Variants in INTS10 observed in about 807,000 individuals in gnomAD.
INTS10 encodes integrator complex subunit 10, also known as chromosome 8 open reading frame 35.
INTS10 carries 44 observed loss-of-function variants against 94.4 expected under a neutral mutation model. That is an observed-to-expected ratio of 0.47 (90% confidence interval 0.37 to 0.60). The LOEUF (loss-of-function observed/expected upper bound fraction) is 0.60. Ranked by LOEUF, INTS10 falls within the 20% of genes least tolerant of loss-of-function variation. INTS10 has a pLI of 0.00. For synonymous variants in INTS10, 341 were observed against 320.7 expected (o/e 1.06, Z -0.68); for missense variants, 797 against 868.7 (o/e 0.92, Z 1.04).
chr8:19,823,821 T>C, intron 6 of INTS10, 52 bp from the exon 7 acceptor site: 1 of 1,428,858 alleles, frequency 7.0e-7, no homozygotes, highest in Non-Finnish European at 9.5e-7. Flanking sequence ...AGGTACCATG[T>C]CAACAGTAAG....
At chr8:19,847,369 A>T (rs2068665337) in intron 16 of INTS10, among the ~76,000 whole-genome samples, 1 of 152,316 alleles carries the variant, frequency 6.6e-6, no homozygotes, top group East Asian at 1.9e-4. Context: ...AAGAATAACT[A>T]TGTTGTTCAA....
chr8:19,833,315 G>A lies in INTS10; in HGVS notation c.1524G>A (p.Glu508=). 1.9e-6 allele frequency: 3 copies of A among 1,607,442 alleles called. No homozygotes were observed. The highest frequency in any genetic ancestry group is 2.5e-6 in the Non-Finnish European group (3 of 1,176,954). ...CGACGTGCCACTTTGCGCTAGGGGAGTACAGAGTGAGTACTGCACACATAC... is the reference window on the plus strand; with the variant it reads ...CGACGTGCCACTTTGCGCTAGGGGAATACAGAGTGAGTACTGCACACATAC... The part of the protein sequence containing the change: ...QLATCHFALG[E]YRMTCEKVLD... Residue 508 remains glutamate, a synonymous_variant, in exon 12 of 17, where the codon GAG becomes GAA. Coordinates refer to ENST00000397977, the MANE Select transcript of INTS10 (RefSeq NM_018142.4).
At position 19,843,974 on chromosome 8, in the gene INTS10, A is replaced by G; in HGVS notation, c.1720-102A>G. The G allele has an allele frequency of 1.2e-6, 1 of 851,522 alleles. No homozygotes were observed. Among genetic ancestry groups the G allele is most frequent in the South Asian group, 2.0e-5 (1 of 51,030 alleles). 52.7% of individuals were successfully genotyped at this position (851,522 alleles called of 1,614,324 possible). A position where few individuals can be genotyped will look rare whatever the true frequency, so the allele number is the denominator to read the frequency against. The stretch of plus-strand genomic sequence containing the variant: ...CTTACTCTAATGACGTTTATCACAC[A>G]TTTGCATATACAGCATATTTTTGGA... On this transcript the variant is annotated intron_variant, in intron 14 of 16. Transcript: ENST00000397977. The surrounding 1 kb of genome is among the most constrained non-coding windows in gnomAD (Gnocchi z 4.7).
intron 12 of INTS10, 128 bp from the exon 13 acceptor site, chr8:19,836,924 T>C (rs2067709600): frequency 3.1e-6 from 2 of 650,580 alleles, no homozygotes; most frequent in East Asian, 2.6e-5. Context: ...AATGATCACA[T>C]AGAGAGGTAG....
chr8:19,851,201 A>T lies in INTS10; in HGVS notation c.1977-448A>T, dbSNP rs1365451764. Among the ~76,000 whole-genome samples the T allele has an allele frequency of 1.3e-5, 2 of 152,124 alleles. No individual in the cohort carries two copies. The highest frequency in any genetic ancestry group is 2.4e-5 in the African/African-American group (1 of 41,420). ...GCTGCGGGGGCCATGGTGGGAGCTC[A>T]CTTGGGTGATTGGCTCATTCAGGTC... On this transcript the variant is annotated intron_variant, in intron 16 of 16. Transcript: ENST00000397977. This position sits in a 1 kb window ranked among gnomAD's most constrained non-coding sequence, Gnocchi z 5.0.
At chr8:19,847,548 T>C (rs1010436588) in intron 16 of INTS10, among the ~76,000 whole-genome samples, 2 of 152,178 alleles carry the variant, frequency 1.3e-5, no homozygotes, top group African/African-American at 2.4e-5. Context: ...CGAGTTAATA[T>C]AGAGACAGCC....
chr8:19,819,591 C>G lies in INTS10; in HGVS notation c.216C>G (p.Asp72Glu), dbSNP rs1033480634. The change falls in exon 3 of 17, where the codon GAC becomes GAG. Residue 72 changes from aspartate (D) to glutamate (E), a missense_variant. Asp to Glu is a conservative substitution (Grantham distance 45). This residue lies in a region of INTS10 where 734 missense variants were observed against 787.8 expected (regional missense o/e 0.93). Transcript: ENST00000397977. ...AAAATAGGTTTGTGAATTTCCCAGA[C>G]CAGCCGGTGGTGTGGAGAGAAATCA... ...LLYDMFVNFP[D>E]QPVVWREISI... 3 of 1,612,422 alleles carry G rather than the reference C, an allele frequency of 1.9e-6. No homozygotes were observed. The highest frequency in any genetic ancestry group is 2.5e-6 in the Non-Finnish European group (3 of 1,179,030).
At chr8:19,837,729 A>G (rs955470126) in intron 13 of INTS10, among the ~76,000 whole-genome samples, 1 of 152,242 alleles carries the variant, frequency 6.6e-6, no homozygotes, top group African/African-American at 2.4e-5. Context: ...TTAAACTTGA[A>G]GAAAATAGAT....
rs781051799 is a variant in INTS10, at chr8:19,851,613, C to T, written c.1977-36C>T. 6.2e-7 allele frequency: 1 copy of T among 1,610,010 alleles called. No homozygotes were observed. Among genetic ancestry groups the T allele is most frequent in the Admixed American group, 1.7e-5 (1 of 60,004 alleles). On this transcript the variant is annotated intron_variant, in intron 16 of 16. Coordinates refer to ENST00000397977, the MANE Select transcript of INTS10 (RefSeq NM_018142.4). The surrounding 1 kb of genome is among the most constrained non-coding windows in gnomAD (Gnocchi z 5.0). The stretch of plus-strand genomic sequence containing the variant: ...GCGATCAGCGATGCTGGTGCTAACC[C>T]CTGGTCTTTGTCTGTTTCCCTATTG...
intron 15 of INTS10, chr8:19,845,397 T>C: frequency 3.7e-6 from 1 of 270,412 alleles, no homozygotes; most frequent in Admixed American, 4.6e-5. Context: ...GGAAAACATG[T>C]TGTCCTCATG....
intron 13 of INTS10, 52 bp from the exon 14 acceptor site, chr8:19,842,796 T>A: frequency 8.1e-7 from 1 of 1,238,252 alleles, no homozygotes. Context: ...CTTTCAAAGC[T>A]GTTATCTTTG....
In INTS10 at chr8:19,830,403, C is replaced by T. The variant is rs544288167; in HGVS notation, c.1141-3C>T. ...AACCATGTTCTCCACATTCTTTAAG[C>T]AGAGTTCAGACGATGAAGACTGTTC... On this transcript the variant is annotated splice_polypyrimidine_tract_variant and splice_region_variant and intron_variant, in intron 9 of 16. Coordinates refer to ENST00000397977, the MANE Select transcript of INTS10 (RefSeq NM_018142.4). The T allele has an allele frequency of 2.8e-4, 444 of 1,610,010 alleles. 5 individuals carry two copies. The South Asian group carries it at 3.6e-3, about 13-fold the overall frequency.
intron 3 of INTS10, among the ~76,000 whole-genome samples, chr8:19,819,883 C>T (rs746879255): frequency 2.0e-5 from 3 of 152,074 alleles, no homozygotes; most frequent in Admixed American, 6.6e-5. Flanking sequence ...ATCAGTGAGA[C>T]GAGGAATTAA....
At chr8:19,831,121 A>C (rs9644635) in intron 10 of INTS10, among the ~76,000 whole-genome samples, 102,375 of 152,074 alleles carry the variant, frequency 0.67, 34,615 homozygotes, top group Non-Finnish European at 0.72. Context: ...TTCTTACTAC[A>C]CTTTGGAATC....
chr8:19,818,822 A>G (rs2066142619), intron 2 of INTS10: 1 of 156,572 alleles, frequency 6.4e-6, no homozygotes, highest in South Asian at 1.8e-4. Context: ...CCATATCAGT[A>G]TGTAGAGATC....
chr8:19,830,705 C>G, intron 10 of INTS10, 146 bp downstream of exon 10: 2 of 743,518 alleles, frequency 2.7e-6, no homozygotes, highest in Non-Finnish European at 2.2e-6. Flanking sequence ...GAGTCTCACT[C>G]TTTTTCACCC....
At position 19,819,576 on chromosome 8, in the gene INTS10, T is replaced by C. The variant is rs2066206307; in HGVS notation, c.201T>C (p.Phe67=). The C allele has an allele frequency of 6.2e-7, 1 of 1,608,316 alleles. No individual in the cohort carries two copies. Among genetic ancestry groups the C allele is most frequent in the Admixed American group, 1.7e-5 (1 of 59,946 alleles). Residue 67 remains phenylalanine, a synonymous_variant, in exon 3 of 17, where the codon TTT becomes TTC. Transcript: ENST00000397977. ...AATGTATTTATTTTAAAAATAGGTT[T>C]GTGAATTTCCCAGACCAGCCGGTGG... ...ATAGRLLYDM[F]VNFPDQPVVW... is the part of the protein sequence containing the mutation.
chr8:19,842,705 G>T, intron 13 of INTS10, 143 bp from the exon 14 acceptor site: 1 of 568,502 alleles, frequency 1.8e-6, no homozygotes, highest in East Asian at 2.9e-5. Flanking sequence ...GTATAATTGT[G>T]TTTCAAATAT....
At chr8:19,828,206 G>A (rs933271413) in intron 9 of INTS10, among the ~76,000 whole-genome samples, 12 of 152,130 alleles carry the variant, frequency 7.9e-5, no homozygotes, top group Non-Finnish European at 4.4e-5. Flanking sequence ...GGGAGACCCC[G>A]TCTATAAAAA....
Sources: gnomAD v4.1 joint callset for allele counts (sites outside exome capture counted in the v4.1 genomes callset) on GRCh38, gnomAD v4.1.1 for gene constraint, gnomAD v4.1.1 regional missense constraint, Gnocchi (gnomAD v3.1) non-coding constraint, MANE v1.5 for transcripts, NCBI Gene and HGNC (gene_info 2026-07-23, HGNC 2026-07-21) for gene names.